Variants in AHR observed in about 807,000 individuals in gnomAD.
AHR encodes aryl hydrocarbon receptor, also known as AH-receptor.
Under a neutral mutation model 86.8 loss-of-function variants are expected in AHR, and 40 were observed. The observed-to-expected ratio is 0.46, with a 90% CI of 0.36 to 0.60. The LOEUF is 0.60. Among genes scored for constraint, AHR ranks in the 20% least tolerant of loss-of-function variants. The pLI, the probability that AHR is intolerant of heterozygous loss-of-function variation, is 0.00. For synonymous variants in AHR, 398 were observed against 354.9 expected, an observed-to-expected ratio of 1.12 and a Z score of -1.37; for missense variants, 1,001 against 1,011.6, an observed-to-expected ratio of 0.99 and a Z score of 0.14.
chr7:17,339,329 C>G lies in AHR; in HGVS notation c.1504C>G (p.Pro502Ala). ...ECRNWQDNTA[P>A]MGNDTILKHE... ...CAGAAATTGGCAAGATAATACTGCA[C>G]CGATGGGAAATGATACTATCCTGAA... Residue 502 changes from proline (P) to alanine (A), a missense_variant, in exon 10 of 11, where the codon CCG (proline) becomes GCG (alanine). Pro to Ala is a conservative substitution (Grantham distance 27). Around this residue, in one of 2 missense-constraint regions of AHR, gnomAD observed 607 missense variants for 543.1 expected, o/e 1.12. Transcript: ENST00000242057. 1 of 1,614,110 alleles carries G rather than the reference C, an allele frequency of 6.2e-7. No homozygotes were observed. The highest frequency in any genetic ancestry group is 8.5e-7 in the Non-Finnish European group (1 of 1,180,016).
At chr7:17,306,730 A>G (rs1002821432) in intron 1 of AHR, among the ~76,000 whole-genome samples, 2 of 152,002 alleles carry the variant, frequency 1.3e-5, no homozygotes, top group Admixed American at 6.6e-5. Flanking sequence ...TCCTCACTCA[A>G]TGGTTTCCTC....
intron 1 of AHR, among the ~76,000 whole-genome samples, chr7:17,301,133 A>C (rs1781951364): frequency 6.6e-6 from 1 of 152,082 alleles, no homozygotes; most frequent in Non-Finnish European, 1.5e-5. Flanking sequence ...GTTAGCATAG[A>C]TGTTTATCAG....
At chr7:17,323,319 A>G (rs573130588) in intron 3 of AHR, among the ~76,000 whole-genome samples, 60 of 152,212 alleles carry the variant, frequency 3.9e-4, no homozygotes, top group Non-Finnish European at 7.2e-4. Context: ...CATTTTGCCA[A>G]TATGTTATAA....
intron 1 of AHR, among the ~76,000 whole-genome samples, chr7:17,309,198 T>A (rs540335047): frequency 5.9e-5 from 9 of 152,338 alleles, no homozygotes; most frequent in African/African-American, 2.2e-4. Context: ...TGTTTAGGGT[T>A]CCGTTGAACT....
At chr7:17,327,412 T>TA (rs895556069) in intron 3 of AHR, among the ~76,000 whole-genome samples, 13 of 151,742 alleles carry the variant, frequency 8.6e-5, no homozygotes, top group East Asian at 3.9e-4. Flanking sequence ...TGTTTCCCTC[T>TA]AAAAAAAAGC....
chr7:17,340,621 T>A (rs1562483120), intron 10 of AHR, among the ~76,000 whole-genome samples: 1 of 152,210 alleles, frequency 6.6e-6, no homozygotes, highest in Non-Finnish European at 1.5e-5. Flanking sequence ...AAAAACGTAT[T>A]GCAATTTTTA....
intron 3 of AHR, among the ~76,000 whole-genome samples, chr7:17,323,736 G>C (rs1173645718): frequency 6.6e-6 from 1 of 152,106 alleles, no homozygotes; most frequent in Non-Finnish European, 1.5e-5. Flanking sequence ...CACATTCAAA[G>C]TCCTGTTAGC....
At chr7:17,331,626 C>G (rs1046120088) in intron 6 of AHR, among the ~76,000 whole-genome samples, 2 of 151,876 alleles carry the variant, frequency 1.3e-5, no homozygotes, top group South Asian at 2.1e-4. Flanking sequence ...TCTCAAATAA[C>G]TGCCACATAG....
chr7:17,320,643 A>G (rs1782158769), intron 2 of AHR, among the ~76,000 whole-genome samples: 2 of 152,196 alleles, frequency 1.3e-5, no homozygotes, highest in South Asian at 2.1e-4. Flanking sequence ...CTGACGTTGT[A>G]TGGTTTTAGT....
intron 9 of AHR, 90 bp from the exon 10 acceptor site, chr7:17,338,896 T>C: frequency 8.1e-7 from 1 of 1,239,592 alleles, no homozygotes; most frequent in African/African-American, 1.5e-5. Flanking sequence ...TTACAATGTA[T>C]TTTGCTTTAT....
Position 17,299,024 on chromosome 7 carries a change from C to G in AHR, c.-241C>G. 1 of 477,914 alleles carries G rather than the reference C, an allele frequency of 2.1e-6. No homozygotes were observed. Among genetic ancestry groups the G allele is most frequent in the Non-Finnish European group, 3.6e-6 (1 of 276,886 alleles). The allele number at this position is 477,914 out of a possible 1,614,324, so 29.6% of individuals were successfully genotyped here. On this transcript the variant is annotated 5_prime_UTR_variant, in exon 1 of 11. Coordinates refer to ENST00000242057, the MANE Select transcript of AHR (RefSeq NM_001621.5). ...GCCTTGCTCGCGGGTCTCCGCCCCT[C>G]GCCCACCCTCACTGCGCCAGGCCCA...
chr7:17,333,968 A>G lies in AHR; in HGVS notation c.762A>G (p.Lys254=), dbSNP rs942879053. 7 of 1,613,432 alleles carry G rather than the reference A, an allele frequency of 4.3e-6. No homozygotes were observed. In the Admixed American group the frequency reaches 5.0e-5, roughly 12 times the overall value. The change falls in exon 7 of 11, where the codon AAA becomes AAG. Residue 254 remains lysine, a synonymous_variant. Transcript: ENST00000242057. ...KYLHGQKKKG[K]DGSILPPQLA... is the part of the protein sequence containing the mutation. ...TTCATGGACAGAAAAAGAAAGGGAA[A>G]GATGGATCAATACTTCCACCTCAGT...
At chr7:17,300,870 T>C (rs1027999772) in intron 1 of AHR, among the ~76,000 whole-genome samples, 3 of 152,036 alleles carry the variant, frequency 2.0e-5, no homozygotes, top group Non-Finnish European at 4.4e-5. Flanking sequence ...AACATGAAGA[T>C]CTCCCTGATG....
At position 17,343,188 on chromosome 7, in the gene AHR, C is replaced by G; in HGVS notation, c.*124C>G. Reference sequence around the variant, plus strand: ...TGGAGGCATTGATGCATGCTATTCACAATTATTCCAAACCAAATTTTAATT... The same window carrying G: ...TGGAGGCATTGATGCATGCTATTCAGAATTATTCCAAACCAAATTTTAATT... On this transcript the variant is annotated 3_prime_UTR_variant, in exon 11 of 11. Coordinates refer to ENST00000242057, the MANE Select transcript of AHR (RefSeq NM_001621.5). 1 of 1,167,476 alleles carries G rather than the reference C, an allele frequency of 8.6e-7. No homozygotes were observed. Among genetic ancestry groups the G allele is most frequent in the Non-Finnish European group, 1.2e-6 (1 of 804,476 alleles). 72.3% of individuals were successfully genotyped at this position (1,167,476 alleles called of 1,614,324 possible).
intron 2 of AHR, among the ~76,000 whole-genome samples, chr7:17,311,551 G>C (rs941624636): frequency 6.6e-6 from 1 of 152,062 alleles, no homozygotes; most frequent in African/African-American, 2.4e-5. Flanking sequence ...TGATTTGCTT[G>C]CTTGCTCTCC....
rs1200267422 is a variant in AHR, at chr7:17,339,200, G to T, written c.1375G>T (p.Ala459Ser). The T allele has an allele frequency of 1.9e-5, 30 of 1,614,046 alleles. No individual in the cohort carries two copies. The highest frequency in any genetic ancestry group is 4.0e-5 in the African/African-American group (3 of 74,930). ...DSLNPSSLLA[A>S]MMQQDESIYL... Reference sequence around the variant, plus strand: ...TCTCAATCCTAGTTCCCTCCTGGCTGCCATGATGCAACAAGATGAGTCTAT... The same window carrying T: ...TCTCAATCCTAGTTCCCTCCTGGCTTCCATGATGCAACAAGATGAGTCTAT... Residue 459 changes from alanine (A) to serine (S), a missense_variant, in exon 10 of 11, where the codon GCC becomes TCC. By Grantham distance (99) the Ala-to-Ser change is moderately conservative. Coordinates refer to ENST00000242057, the MANE Select transcript of AHR (RefSeq NM_001621.5).
chr7:17,313,080 A>T (rs1055396544), intron 2 of AHR, among the ~76,000 whole-genome samples: 1 of 152,186 alleles, frequency 6.6e-6, no homozygotes, highest in Non-Finnish European at 1.5e-5. Flanking sequence ...GCAGTTTCTT[A>T]GATTGTTTGA....
Position 17,333,986 on chromosome 7 carries a change from A to G in AHR, c.780A>G (p.Pro260=), listed in dbSNP as rs748487723. 13 of 1,613,348 alleles carry G rather than the reference A, an allele frequency of 8.1e-6. No homozygotes were observed. The highest frequency in any genetic ancestry group is 1.1e-5 in the Non-Finnish European group (13 of 1,179,506). ...AAGGGAAAGATGGATCAATACTTCCACCTCAGTTGGCTTTGTTTGCGATAG... is the reference window on the plus strand; with the variant it reads ...AAGGGAAAGATGGATCAATACTTCCGCCTCAGTTGGCTTTGTTTGCGATAG... ...KKKGKDGSIL[P]PQLALFAIAT... The change falls in exon 7 of 11, where the codon CCA becomes CCG. Residue 260 remains proline, a synonymous_variant. Coordinates refer to ENST00000242057, the MANE Select transcript of AHR (RefSeq NM_001621.5).
chr7:17,345,989 C>T lies in AHR; in HGVS notation c.*2925C>T, dbSNP rs1002997887. The stretch of plus-strand genomic sequence containing the variant: ...TTACTATGCACAAACTAGTGTTTTT[C>T]GATGTTACTAAATTTTAGGTAAATG... On this transcript the variant is annotated 3_prime_UTR_variant, in exon 11 of 11. Coordinates refer to ENST00000242057, the MANE Select transcript of AHR (RefSeq NM_001621.5). The T allele has an allele frequency of 3.3e-5, 5 of 152,662 alleles. No homozygotes were observed. Among genetic ancestry groups the T allele is most frequent in the African/African-American group, 4.8e-5 (2 of 41,494 alleles). The allele number at this position is 152,662 out of a possible 1,614,324, so 9.5% of individuals were successfully genotyped here.
Sources: gnomAD v4.1 joint callset for allele counts (sites outside exome capture counted in the v4.1 genomes callset) on GRCh38, gnomAD v4.1.1 for gene constraint, gnomAD v4.1.1 regional missense constraint, MANE v1.5 for transcripts, NCBI Gene and HGNC (gene_info 2026-07-23, HGNC 2026-07-21) for gene names.